GPHN: variants seen among roughly 807,000 people sequenced by gnomAD.
The protein encoded by GPHN is gephyrin.
A neutral mutation model predicts 95.5 loss-of-function variants in GPHN; 17 were observed. That is an observed-to-expected ratio of 0.18 (90% CI 0.12 to 0.27). GPHN has a LOEUF of 0.27. Ranked by LOEUF, GPHN falls within the 10% of genes least tolerant of loss-of-function variation. The pLI, the probability that GPHN is intolerant of heterozygous loss-of-function variation, is 1.00. For missense variants in GPHN, 660 were observed against 978.1 expected (o/e 0.67, Z 4.34); for synonymous variants, 320 against 322.5 (o/e 0.99, Z 0.08).
chr14:67,623,466 A>C, the GPHN span, among the ~76,000 whole-genome samples: 1 of 148,624 alleles, frequency 6.7e-6, no homozygotes, highest in African/African-American at 2.5e-5. Flanking sequence ...AATGTATTTG[A>C]CTTAGTGTCT....
At chr14:66,545,553 C>CA (rs1566577450) in intron 1 of GPHN, among the ~76,000 whole-genome samples, 6 of 105,424 alleles carry the variant, frequency 5.7e-5, no homozygotes, top group South Asian at 3.2e-4. Flanking sequence ...GCTGGCCGGG[C>CA]GGGGGGCTGA....
intron 1 of GPHN, among the ~76,000 whole-genome samples, chr14:66,653,278 A>G (rs1357496125): frequency 6.6e-6 from 1 of 152,166 alleles, no homozygotes; most frequent in Non-Finnish European, 1.5e-5. Context: ...GCATTTAGTC[A>G]GCCATCCTGC....
chr14:66,741,847 C>G (rs2072817163), intron 2 of GPHN, among the ~76,000 whole-genome samples: 1 of 152,154 alleles, frequency 6.6e-6, no homozygotes, highest in Non-Finnish European at 1.5e-5. Context: ...GCTCAGTTAC[C>G]TTCAGTATTG....
intron 18 of GPHN, among the ~76,000 whole-genome samples, chr14:67,148,100 T>A (rs1290399038): frequency 6.6e-6 from 1 of 152,204 alleles, no homozygotes; most frequent in Non-Finnish European, 1.5e-5. Context: ...CTTGGTTACC[T>A]AATTTTTCAA....
At chr14:67,059,015 A>T in intron 11 of GPHN, 7 of 151,338 alleles carry the variant, frequency 4.6e-5, no homozygotes, top group Non-Finnish European at 6.7e-5. Flanking sequence ...TAAAAAAAGG[A>T]AAAAAAAAAA....
At chr14:67,664,065 A>G in the GPHN span, among the ~76,000 whole-genome samples, 1 of 152,212 alleles carries the variant, frequency 6.6e-6, no homozygotes, top group Non-Finnish European at 1.5e-5. Flanking sequence ...TTATCACCAT[A>G]AAGTTACCAT....
intron 1 of GPHN, among the ~76,000 whole-genome samples, chr14:66,602,142 A>G (rs2062278741): frequency 6.6e-6 from 1 of 151,954 alleles, no homozygotes; most frequent in South Asian, 2.1e-4. Context: ...GCCTACCTAA[A>G]TGAATACTCC....
At chr14:66,786,313 T>C (rs780597436) in intron 3 of GPHN, among the ~76,000 whole-genome samples, 1 of 151,992 alleles carries the variant, frequency 6.6e-6, no homozygotes, top group Non-Finnish European at 1.5e-5. Context: ...TCCTTGAAAA[T>C]CACGAACTTC....
the GPHN span, chr14:67,648,380 A>G: frequency 1.1e-5 from 5 of 470,430 alleles, 1 homozygote; most frequent in South Asian, 2.7e-4. Flanking sequence ...CATGGCTCTT[A>G]CCAAATTACA....
At chr14:66,789,542 G>A (rs997943875) in intron 3 of GPHN, among the ~76,000 whole-genome samples, 2 of 152,186 alleles carry the variant, frequency 1.3e-5, no homozygotes, top group African/African-American at 2.4e-5. Context: ...GAGGAACAGG[G>A]CCAGGAAAGC....
intron 2 of GPHN, among the ~76,000 whole-genome samples, chr14:66,740,783 C>G (rs1352128062): frequency 6.6e-6 from 1 of 152,188 alleles, no homozygotes; most frequent in Non-Finnish European, 1.5e-5. Context: ...TTGCAACACA[C>G]TGAACTGTTG....
chr14:66,541,832 T>C (rs2059365795), intron 1 of GPHN, among the ~76,000 whole-genome samples: 1 of 152,236 alleles, frequency 6.6e-6, no homozygotes, highest in Non-Finnish European at 1.5e-5. Context: ...GTCAGTACCA[T>C]GGACAGAATG....
the GPHN span, among the ~76,000 whole-genome samples, chr14:67,374,079 T>G: frequency 1.3e-5 from 2 of 152,144 alleles, no homozygotes; most frequent in Non-Finnish European, 2.9e-5. Flanking sequence ...TGAAAACAAT[T>G]CAGAATCTCT....
At chr14:67,392,779 GGCCAGGGTCA>G in the GPHN span, 4 of 1,614,066 alleles carry the variant, frequency 2.5e-6, no homozygotes, top group Non-Finnish European at 3.4e-6. Flanking sequence ...TGAGCATGGA[GGCCAGGGTCA>G]CCGCCTCCAG....
chr14:67,195,135 A>T, the GPHN span, among the ~76,000 whole-genome samples: 1 of 152,252 alleles, frequency 6.6e-6, no homozygotes, highest in Non-Finnish European at 1.5e-5. Flanking sequence ...TGCATAATCC[A>T]AAAGTGTAAA....
the GPHN span, chr14:67,473,605 G>A: frequency 6.2e-7 from 1 of 1,601,808 alleles, no homozygotes; most frequent in Non-Finnish European, 8.5e-7. This position sits in a 1 kb window ranked among gnomAD's most constrained non-coding sequence, Gnocchi z 6.5. Flanking sequence ...AAGTCGAACT[G>A]GGAGTAGTCC....
chr14:67,477,596 C>T, the GPHN span, among the ~76,000 whole-genome samples: 7 of 152,272 alleles, frequency 4.6e-5, no homozygotes, highest in East Asian at 1.9e-4. Context: ...ACAGCTCCCC[C>T]TAATGTCCCA....
At chr14:67,055,193 CA>C in intron 10 of GPHN, among the ~76,000 whole-genome samples, 1 of 152,244 alleles carries the variant, frequency 6.6e-6, no homozygotes, top group East Asian at 1.9e-4. Flanking sequence ...ATCTATCCCT[CA>C]GACAAAGGTC....
At chr14:67,212,589 GAAA>G in the GPHN span, among the ~76,000 whole-genome samples, 2 of 100,340 alleles carry the variant, frequency 2.0e-5, no homozygotes, top group African/African-American at 7.2e-5. Context: ...AGACCCTGTT[GAAA>G]AAAAAAATAT....
Sources: gnomAD v4.1 joint callset for allele counts (sites outside exome capture counted in the v4.1 genomes callset) on GRCh38, gnomAD v4.1.1 for gene constraint, Gnocchi (gnomAD v3.1) non-coding constraint, MANE v1.5 for transcripts, NCBI Gene and HGNC (gene_info 2026-07-23, HGNC 2026-07-21) for gene names.